RAP1A: variants seen among roughly 807,000 people sequenced by gnomAD.
RAP1A encodes RAP1A, member of RAS oncogene family.
Under a neutral mutation model 26.4 loss-of-function variants are expected in RAP1A, and 6 were observed. The observed-to-expected ratio is 0.23, with a 90% CI of 0.12 to 0.45. RAP1A has a LOEUF of 0.45. RAP1A is among the 20% of genes least tolerant of loss of function. RAP1A has a pLI of 0.99. For missense variants in RAP1A, 121 were observed against 217.2 expected (o/e 0.56, Z 2.78); for synonymous variants, 73 against 79.4 (o/e 0.92, Z 0.43).
At chr1:111,667,178 A>G (rs879257798) in intron 1 of RAP1A, among the ~76,000 whole-genome samples, 2 of 152,108 alleles carry the variant, frequency 1.3e-5, no homozygotes, top group Non-Finnish European at 2.9e-5. Context: ...GAACTGACAG[A>G]TTCTTTGCCT....
chr1:111,589,283 T>G (rs1658430170), intron 1 of RAP1A, among the ~76,000 whole-genome samples: 2 of 152,206 alleles, frequency 1.3e-5, no homozygotes, highest in African/African-American at 4.8e-5. Context: ...TAACTGGGTA[T>G]TTCAATTTAT....
intron 1 of RAP1A, among the ~76,000 whole-genome samples, chr1:111,657,865 C>A (rs1660513284): frequency 6.6e-6 from 1 of 152,012 alleles, no homozygotes; most frequent in Admixed American, 6.6e-5. Context: ...CTTTTGATTT[C>A]TTCTTTGAAC....
At chr1:111,572,920 C>T (rs148067015) in intron 1 of RAP1A, among the ~76,000 whole-genome samples, 33 of 152,264 alleles carry the variant, frequency 2.2e-4, no homozygotes, top group African/African-American at 7.7e-4. Context: ...CTTAGGTAGG[C>T]TCCAGTGTCT....
At chr1:111,695,320 T>A in intron 2 of RAP1A, 21 bp from the exon 3 acceptor site, 1 of 1,529,582 alleles carries the variant, frequency 6.5e-7, no homozygotes, top group Non-Finnish European at 8.8e-7. Context: ...TTTTTAATAT[T>A]TCTCTTTTTT....
intron 1 of RAP1A, among the ~76,000 whole-genome samples, chr1:111,670,439 A>C (rs1033629008): frequency 3.9e-5 from 6 of 152,116 alleles, no homozygotes; most frequent in Admixed American, 3.9e-4. Flanking sequence ...ATGCCACTGC[A>C]CTCCAGCCTG....
intron 1 of RAP1A, among the ~76,000 whole-genome samples, chr1:111,591,522 A>G (rs1169671281): frequency 6.6e-6 from 1 of 152,202 alleles, no homozygotes; most frequent in African/African-American, 2.4e-5. Flanking sequence ...AGCTCTCTAT[A>G]TTATCTAACT....
At chr1:111,626,298 T>G (rs912422627) in intron 1 of RAP1A, among the ~76,000 whole-genome samples, 2 of 152,154 alleles carry the variant, frequency 1.3e-5, no homozygotes, top group African/African-American at 4.8e-5. Flanking sequence ...ATAAGAATTG[T>G]TTGCTTTACT....
At position 111,691,390 on chromosome 1, in the gene RAP1A, T is replaced by C; in HGVS notation, c.30T>C (p.Gly10=). ...GTGAGTACAAGCTAGTGGTCCTTGG[T>C]TCAGGAGGCGTTGGGAAGTCTGCTC... is the stretch of plus-strand genomic sequence containing the variant. MREYKLVVL[G]SGGVGKSALT... is the part of the protein sequence containing the mutation. The change falls in exon 2 of 8, where the codon GGT becomes GGC. Residue 10 remains glycine (G), a synonymous_variant. Transcript: ENST00000369709. 2 of 1,613,690 alleles carry C rather than the reference T, an allele frequency of 1.2e-6. No individual in the cohort carries two copies. The highest frequency in any genetic ancestry group is 1.7e-6 in the Non-Finnish European group (2 of 1,179,626).
rs569296076 is a variant in RAP1A, at chr1:111,563,801, C to T, written c.-28+21292C>T. ...AAGTGGTCAGTATGCAGACTCAGAC[C>T]CCAACCTCTGCCTCCCAGCAGCTAT... On this transcript the variant is annotated intron_variant, in intron 1 of 7. Coordinates refer to the RAP1A transcript ENST00000356415. 7.9e-6 allele frequency: 12 copies of T among 1,516,204 alleles called. No homozygotes were observed. In the South Asian group the frequency reaches 1.4e-4, roughly 17 times the overall value. The allele number at this position is 1,516,204 out of a possible 1,614,324, so 93.9% of individuals were successfully genotyped here. A position where few individuals can be genotyped will look rare whatever the true frequency, so the allele number is the denominator to read the frequency against.
intron 1 of RAP1A, among the ~76,000 whole-genome samples, chr1:111,625,103 A>T (rs565925161): frequency 1.2e-4 from 19 of 152,334 alleles, no homozygotes; most frequent in African/African-American, 4.3e-4. Context: ...ATTTCATAAG[A>T]ATAGCAGTAT....
intron 1 of RAP1A, among the ~76,000 whole-genome samples, chr1:111,622,872 TAGTTA>T (rs1198923601): frequency 4.6e-5 from 7 of 152,182 alleles, no homozygotes. Context: ...TGTATTGTAA[TAGTTA>T]AGTTACTCCA....
intron 1 of RAP1A, among the ~76,000 whole-genome samples, chr1:111,582,897 C>G (rs1441127971): frequency 6.6e-6 from 1 of 152,220 alleles, no homozygotes; most frequent in African/African-American, 2.4e-5. Context: ...TAGGCCAGAG[C>G]CTGGTCTCCC....
At chr1:111,647,491 T>C (rs1660107794) in intron 1 of RAP1A, among the ~76,000 whole-genome samples, 1 of 152,198 alleles carries the variant, frequency 6.6e-6, no homozygotes, top group African/African-American at 2.4e-5. Context: ...TTGTCTTCCA[T>C]GAAACTGGTT....
intron 1 of RAP1A, among the ~76,000 whole-genome samples, chr1:111,630,343 A>G (rs1659531118): frequency 6.6e-6 from 1 of 152,184 alleles, no homozygotes; most frequent in South Asian, 2.1e-4. Context: ...CATTCCCTAC[A>G]GTAATAATAA....
intron 1 of RAP1A, among the ~76,000 whole-genome samples, chr1:111,623,966 A>G (rs1404218875): frequency 6.6e-6 from 1 of 152,200 alleles, no homozygotes; most frequent in Non-Finnish European, 1.5e-5. Context: ...ACCTCAGATC[A>G]CTTCTAATCT....
intron 2 of RAP1A, among the ~76,000 whole-genome samples, chr1:111,692,719 AT>A (rs1661707087): frequency 6.6e-6 from 1 of 152,200 alleles, no homozygotes; most frequent in Admixed American, 6.5e-5. Flanking sequence ...TCCAAGATAC[AT>A]TATTAGAGAG....
In RAP1A at chr1:111,594,806, T is replaced by A. The variant is rs184614062; in HGVS notation, c.-28+52297T>A. 2.0e-5 allele frequency among the ~76,000 whole-genome samples: 3 copies of A among 152,284 alleles called. No individual in the cohort carries two copies. The East Asian group carries it at 5.8e-4, about 29-fold the overall frequency. On this transcript the variant is annotated intron_variant, in intron 1 of 7. Coordinates refer to the RAP1A transcript ENST00000356415. ...ATCACAAGGAAGCATATTCTTGGCC[T>A]CTGAAGTCTTCATTTCAAAATGAAG...
chr1:111,626,523 G>T (rs11102320), intron 1 of RAP1A, among the ~76,000 whole-genome samples: 70,389 of 151,908 alleles, frequency 0.46, 16,375 homozygotes, highest in Middle Eastern at 0.58. Context: ...TTTCTACACT[G>T]ATTAAAATCA....
At chr1:111,687,429 G>A (rs914552982) in intron 1 of RAP1A, among the ~76,000 whole-genome samples, 2 of 151,848 alleles carry the variant, frequency 1.3e-5, no homozygotes, top group Non-Finnish European at 2.9e-5. Flanking sequence ...GCTGGTCTCC[G>A]ACTCCTGACC....
Sources: gnomAD v4.1 joint callset for allele counts (sites outside exome capture counted in the v4.1 genomes callset) on GRCh38, gnomAD v4.1.1 for gene constraint, MANE v1.5 for transcripts, NCBI Gene and HGNC (gene_info 2026-07-23, HGNC 2026-07-21) for gene names.